The following IFRD1 variants were observed in gnomAD, a reference collection of about 807,000 sequenced individuals.
The protein encoded by IFRD1 is interferon-related developmental regulator 1.
A neutral mutation model predicts 52.9 loss-of-function variants in IFRD1; 35 were observed. The ratio of observed to expected loss-of-function variants is 0.66; its 90% CI spans 0.51 to 0.88. IFRD1 has a LOEUF of 0.88. Ranked by LOEUF, IFRD1 falls within the 40% of genes least tolerant of loss-of-function variation. The pLI is 0.00. For missense variants in IFRD1, 517 were observed against 550.8 expected (o/e 0.94, Z 0.61); for synonymous variants, 184 against 188.4 (o/e 0.98, Z 0.19).
In IFRD1 at chr7:112,468,097, T is replaced by C. The variant is rs943452010; in HGVS notation, c.1023T>C (p.Asp341=). ...GAAAGCAGCGGTCAGTTTTCAGAGA[T>C]GTCCTGAGGGCAGTGGAGGTAGGCT... ...DKRKQRSVFR[D]VLRAVEERDF... Residue 341 remains aspartate, a synonymous_variant, in exon 9 of 12, where the codon GAT becomes GAC. Coordinates refer to ENST00000403825, the MANE Select transcript of IFRD1 (RefSeq NM_001550.4). 1 of 1,613,944 alleles carries C rather than the reference T, an allele frequency of 6.2e-7. No individual in the cohort carries two copies. The highest frequency in any genetic ancestry group is 1.3e-5 in the African/African-American group (1 of 74,906).
chr7:112,444,526 A>T (rs1215186773), intron 1 of IFRD1, among the ~76,000 whole-genome samples: 1 of 152,234 alleles, frequency 6.6e-6, no homozygotes, highest in East Asian at 1.9e-4. Flanking sequence ...GTGATAATCC[A>T]TGTAAAAAAT....
chr7:112,440,047 G>A (rs1794834315), intron 1 of IFRD1, among the ~76,000 whole-genome samples: 1 of 151,912 alleles, frequency 6.6e-6, no homozygotes, highest in African/African-American at 2.4e-5. Context: ...GTGCAGTGGT[G>A]CAATCTCGGC....
chr7:112,430,519 G>C (rs1322271638), intron 1 of IFRD1, among the ~76,000 whole-genome samples: 1 of 152,190 alleles, frequency 6.6e-6, no homozygotes, highest in East Asian at 1.9e-4. Context: ...ACTTAGGAAG[G>C]AGAACCTGGT....
intron 8 of IFRD1, among the ~76,000 whole-genome samples, chr7:112,464,436 C>T (rs1479698700): frequency 6.6e-6 from 1 of 152,144 alleles, no homozygotes; most frequent in Non-Finnish European, 1.5e-5. Context: ...ATAGTAGACT[C>T]TGGAGCTGTT....
chr7:112,469,837 C>T (rs1032604498), intron 9 of IFRD1, among the ~76,000 whole-genome samples: 5 of 152,148 alleles, frequency 3.3e-5, no homozygotes, highest in African/African-American at 1.2e-4. Flanking sequence ...GTGATCTACC[C>T]GCCCACCTTC....
intron 1 of IFRD1, 32 bp from the exon 2 acceptor site, chr7:112,455,731 A>G: frequency 6.9e-7 from 1 of 1,439,988 alleles, no homozygotes; most frequent in Non-Finnish European, 9.8e-7. Context: ...TGGCAATAAA[A>G]TAATTTACCT....
At chr7:112,442,036 T>C (rs1489636525) in intron 1 of IFRD1, among the ~76,000 whole-genome samples, 2 of 152,230 alleles carry the variant, frequency 1.3e-5, no homozygotes, top group Admixed American at 6.5e-5. Context: ...CATTCCTCAT[T>C]CATATAGCTT....
At chr7:112,470,873 T>A (rs1162163832) in intron 9 of IFRD1, among the ~76,000 whole-genome samples, 1 of 152,228 alleles carries the variant, frequency 6.6e-6, no homozygotes, top group African/African-American at 2.4e-5. Flanking sequence ...TCAGTATAGT[T>A]GCAATTTTTT....
intron 4 of IFRD1, chr7:112,457,681 C>T (rs1322268468): frequency 6.6e-6 from 1 of 152,090 alleles, no homozygotes; most frequent in Non-Finnish European, 1.5e-5. Context: ...GAGTTGGAGA[C>T]CACCTGGGCA....
At chr7:112,447,483 C>T (rs1026755143), upstream of IFRD1, among the ~76,000 whole-genome samples, 1 of 152,162 alleles carries the variant, frequency 6.6e-6, no homozygotes, top group East Asian at 1.9e-4. Flanking sequence ...ATTTTGTTTG[C>T]GAATGAGCCC....
rs147422855 is a variant in IFRD1, at chr7:112,450,851, C to T, written c.94+69C>T. On this transcript the variant is annotated intron_variant, in intron 1 of 11. Coordinates refer to ENST00000403825, the MANE Select transcript of IFRD1 (RefSeq NM_001550.4). ...CTGGCGAGTCTTCCATGCTTCGGCA[C>T]GGTGGGAGTTGTAGTTCTTTCTCTG... is the stretch of plus-strand genomic sequence containing the variant. The T allele has an allele frequency of 1.4e-4, 154 of 1,075,520 alleles. 1 individual carries two copies. In the Middle Eastern group the frequency reaches 3.6e-3, roughly 25 times the overall value. 66.6% of individuals were successfully genotyped at this position (1,075,520 alleles called of 1,614,324 possible).
chr7:112,443,099 T>C (rs1475472128), intron 1 of IFRD1, among the ~76,000 whole-genome samples: 1 of 152,198 alleles, frequency 6.6e-6, no homozygotes, highest in Non-Finnish European at 1.5e-5. Context: ...AAGAATCCAT[T>C]GCAAATAGTA....
In IFRD1 at chr7:112,462,092, A is replaced by G; in HGVS notation, c.710A>G (p.Asn237Ser). ...KDTTVICSTP[N>S]TVLHISSLLA... ...ACTACTGTTATTTGCAGCACTCCTA[A>G]TACAGTGCTTCATATCAGCTCTCTT... Residue 237 changes from asparagine (N) to serine (S), a missense_variant, in exon 7 of 12, where the codon AAT becomes AGT. Asn to Ser is a conservative substitution (Grantham distance 46). Transcript: ENST00000403825. 2 of 1,611,178 alleles carry G rather than the reference A, an allele frequency of 1.2e-6. No homozygotes were observed. Among genetic ancestry groups the G allele is most frequent in the Non-Finnish European group, 1.7e-6 (2 of 1,177,420 alleles).
At chr7:112,468,440 T>C (rs1405129335) in intron 9 of IFRD1, among the ~76,000 whole-genome samples, 3 of 152,164 alleles carry the variant, frequency 2.0e-5, no homozygotes, top group Non-Finnish European at 4.4e-5. Context: ...TAGTGTACAG[T>C]GTTTTTTGTG....
upstream of IFRD1, among the ~76,000 whole-genome samples, chr7:112,449,383 G>GT (rs1202544218): frequency 1.3e-5 from 2 of 152,284 alleles, no homozygotes; most frequent in Admixed American, 6.5e-5. Context: ...AGGAAATATA[G>GT]TATTCGTTTC....
chr7:112,449,637 T>C (rs1795100939), upstream of IFRD1, among the ~76,000 whole-genome samples: 1 of 152,176 alleles, frequency 6.6e-6, no homozygotes, highest in Admixed American at 6.5e-5. Context: ...AAGGCAGCAC[T>C]GCGATTATTG....
chr7:112,450,974 G>C, intron 1 of IFRD1, 192 bp downstream of exon 1: 1 of 619,100 alleles, frequency 1.6e-6, no homozygotes, highest in Non-Finnish European at 2.9e-6. Flanking sequence ...TAGATCTGGC[G>C]TGCGAACCGG....
At chr7:112,442,030 C>T (rs1475958443) in intron 1 of IFRD1, among the ~76,000 whole-genome samples, 4 of 152,090 alleles carry the variant, frequency 2.6e-5, no homozygotes, top group Non-Finnish European at 5.9e-5. Context: ...TTCATACATT[C>T]CTCATTCATA....
upstream of IFRD1, among the ~76,000 whole-genome samples, chr7:112,446,650 T>C (rs759906004): frequency 6.6e-6 from 1 of 152,052 alleles, no homozygotes; most frequent in Non-Finnish European, 1.5e-5. Context: ...TTCAGGTAGG[T>C]GTCATTTAAG....
Sources: allele counts gnomAD v4.1 joint callset (sites outside exome capture counted in the v4.1 genomes callset), GRCh38; gene constraint gnomAD v4.1.1; transcripts MANE v1.5; gene names NCBI Gene and HGNC (gene_info 2026-07-23, HGNC 2026-07-21).